The following SMYD4 variants were observed in gnomAD, a reference collection of about 807,000 sequenced individuals.
SMYD4 encodes protein-lysine N-methyltransferase SMYD4.
SMYD4 carries 68 observed loss-of-function variants against 72.8 expected under a neutral mutation model. That is an observed-to-expected ratio of 0.93 (90% confidence interval 0.77 to 1.14). The LOEUF (loss-of-function observed/expected upper bound fraction) is 1.14, where lower values mean the gene tolerates loss of function less well. Ranked by LOEUF, SMYD4 falls within the 50% of genes most tolerant of loss-of-function variation. SMYD4 has a pLI of 0.00. For missense variants in SMYD4, 984 were observed against 1,003.7 expected (o/e 0.98, Z 0.27); for synonymous variants, 407 against 388.6 (o/e 1.05, Z -0.56).
intron 5 of SMYD4, among the ~76,000 whole-genome samples, chr17:1,794,087 ATATATATATATATATATATTTTTT>A (rs1909243643): frequency 2.8e-4 from 6 of 21,106 alleles, no homozygotes; most frequent in African/African-American, 1.1e-3. Context: ...ATGTGTATAT[ATATATATATATATATATATTTTTT>A]TTTTTTTTTT....
chr17:1,800,125 A>G lies in SMYD4; in HGVS notation c.1269T>C (p.Asn423=), dbSNP rs761440622. The change falls in exon 5 of 11, where the codon AAT becomes AAC. Residue 423 remains asparagine, a synonymous_variant. Coordinates refer to ENST00000305513, the MANE Select transcript of SMYD4 (RefSeq NM_052928.3). ...TGTGGGGCAAAAGGTTGAAGACAGC[A>G]TTATAATTATTTTCATACTTCCCAT... ...DINGKYENNY[N]AVFNLLPHTE... 6.2e-7 allele frequency: 1 copy of G among 1,611,010 alleles called. No homozygotes were observed. Among genetic ancestry groups the G allele is most frequent in the Admixed American group, 1.7e-5 (1 of 59,558 alleles).
chr17:1,801,201 T>C (rs574802041), intron 4 of SMYD4, among the ~76,000 whole-genome samples, 177 bp from the exon 5 acceptor site: 15 of 152,250 alleles, frequency 9.9e-5, no homozygotes, highest in Admixed American at 7.2e-4. Context: ...TTAGCAATAC[T>C]TGTTGAGGAT....
intron 7 of SMYD4, among the ~76,000 whole-genome samples, chr17:1,784,739 T>C (rs1266175876): frequency 5.3e-5 from 8 of 152,182 alleles, no homozygotes; most frequent in Non-Finnish European, 1.5e-5. Context: ...ATAGCCCCTC[T>C]TGTCGCTTTT....
rs570883724 is a variant in SMYD4 at position 1,797,759 on chromosome 17, T to C, written c.1537+2098A>G. On this transcript the variant is annotated intron_variant, in intron 5 of 10. Transcript: ENST00000305513. Reference sequence around the variant, plus strand: ...GCTCACGCCTGTAATCCCAGCACTTTGGGAGGCCAAGGTGGGTGGCTCACC... The same window carrying C: ...GCTCACGCCTGTAATCCCAGCACTTCGGGAGGCCAAGGTGGGTGGCTCACC... Among the ~76,000 whole-genome samples, 6 of 152,108 alleles carry C rather than the reference T, an allele frequency of 3.9e-5. No homozygotes were observed. The East Asian group carries it at 1.2e-3, about 29-fold the overall frequency.
In SMYD4 at chr17:1,780,924, T is replaced by G; in HGVS notation, c.*362A>C. The G allele has an allele frequency of 6.6e-6, 1 of 151,350 alleles. No individual in the cohort carries two copies. The highest frequency in any genetic ancestry group is 1.4e-5 in the Non-Finnish European group (1 of 71,572). The allele number at this position is 151,350 out of a possible 1,614,324, so 9.4% of individuals were successfully genotyped here. On this transcript the variant is annotated 3_prime_UTR_variant, in exon 11 of 11. Transcript: ENST00000305513. ...GGCTTGAGCCACCGCACCCGGCCTCTTATTTTTTTTTTTGAGATGGAGTCT... is the reference window on the plus strand; with the variant it reads ...GGCTTGAGCCACCGCACCCGGCCTCGTATTTTTTTTTTTGAGATGGAGTCT...
chr17:1,813,568 C>T (rs1434944255), intron 2 of SMYD4, among the ~76,000 whole-genome samples: 1 of 151,972 alleles, frequency 6.6e-6, no homozygotes, highest in Non-Finnish European at 1.5e-5. Context: ...GTGTGAGCCA[C>T]CACGCCCAGC....
At chr17:1,798,338 A>G (rs1447728102) in intron 5 of SMYD4, among the ~76,000 whole-genome samples, 1 of 152,004 alleles carries the variant, frequency 6.6e-6, no homozygotes, top group East Asian at 1.9e-4. Flanking sequence ...CTTGAGCTCA[A>G]GTAAGTGATT....
intron 2 of SMYD4, among the ~76,000 whole-genome samples, chr17:1,824,504 A>G (rs889946182): frequency 6.6e-6 from 1 of 152,108 alleles, no homozygotes; most frequent in South Asian, 2.1e-4. Flanking sequence ...TATTTCCCAG[A>G]AGCCTGTGTT....
At chr17:1,792,239 T>G (rs907373485) in intron 5 of SMYD4, among the ~76,000 whole-genome samples, 1 of 151,884 alleles carries the variant, frequency 6.6e-6, no homozygotes, top group Non-Finnish European at 1.5e-5. Flanking sequence ...AGACGGGGTT[T>G]CACGTTAGCC....
In SMYD4 at chr17:1,829,851, GC is replaced by G; in HGVS notation, c.-139del. The G allele has an allele frequency of 3.1e-6, 1 of 322,078 alleles. No individual in the cohort carries two copies. The highest frequency in any genetic ancestry group is 5.5e-6 in the Non-Finnish European group (1 of 182,268). The allele number at this position is 322,078 out of a possible 1,614,324, so 20.0% of individuals were successfully genotyped here. ...GGCGCGCCCCTTGGCGCCCCGCTCC[GC>G]CCCGCACCGCGTCCGGCGTCCCGCG... On this transcript the variant is annotated 5_prime_UTR_variant, in exon 1 of 11. Coordinates refer to ENST00000305513, the MANE Select transcript of SMYD4 (RefSeq NM_052928.3).
chr17:1,782,972 T>G lies in SMYD4; in HGVS notation c.2261+63A>C, dbSNP rs1200320852. On this transcript the variant is annotated intron_variant, in intron 10 of 10. Coordinates refer to ENST00000305513, the MANE Select transcript of SMYD4 (RefSeq NM_052928.3). Reference sequence around the variant, plus strand: ...TTTTAAAAACACCATAGAAAAAAAGTAATACCCAGAAGAGCCTAGGAAAGG... The same window carrying G: ...TTTTAAAAACACCATAGAAAAAAAGGAATACCCAGAAGAGCCTAGGAAAGG... 4 of 1,554,578 alleles carry G rather than the reference T, an allele frequency of 2.6e-6. No individual in the cohort carries two copies. The African/African-American group carries it at 5.6e-5, about 22-fold the overall frequency.
chr17:1,791,196 G>A (rs1306475004), intron 5 of SMYD4, among the ~76,000 whole-genome samples: 1 of 150,208 alleles, frequency 6.7e-6, no homozygotes, highest in Non-Finnish European at 1.5e-5. Context: ...GATGGGAAGT[G>A]ACAGGACACA....
intron 2 of SMYD4, among the ~76,000 whole-genome samples, chr17:1,822,236 C>G (rs1910930951): frequency 1.3e-5 from 2 of 151,446 alleles, no homozygotes; most frequent in South Asian, 4.2e-4. Context: ...TCTGACTCAA[C>G]CTGTTAAAAA....
intron 3 of SMYD4, among the ~76,000 whole-genome samples, chr17:1,807,103 T>G (rs1910075332): frequency 6.6e-6 from 1 of 152,096 alleles, no homozygotes; most frequent in South Asian, 2.1e-4. Flanking sequence ...TTGGCAAGGC[T>G]GGTCTTGAAC....
intron 2 of SMYD4, among the ~76,000 whole-genome samples, chr17:1,819,476 A>C (rs915514310): frequency 3.9e-5 from 6 of 152,148 alleles, no homozygotes; most frequent in Non-Finnish European, 7.4e-5. Flanking sequence ...TCACTTACTT[A>C]ATGTGGCAAT....
At position 1,783,454 on chromosome 17, in the gene SMYD4, C is replaced by G. The variant is rs138315300; in HGVS notation, c.2043G>C (p.Ser681=). 1 of 1,610,722 alleles carries G rather than the reference C, an allele frequency of 6.2e-7. No homozygotes were observed. The highest frequency in any genetic ancestry group is 1.3e-5 in the African/African-American group (1 of 74,890). Residue 681 remains serine (S), a synonymous_variant, in exon 9 of 11, where the codon TCG becomes TCC. Coordinates refer to ENST00000305513, the MANE Select transcript of SMYD4 (RefSeq NM_052928.3). ...GELERAVQRL[S]GCQRDAESFL... The stretch of plus-strand genomic sequence containing the variant: ...AGCTCTCGGCGTCACGCTGGCACCC[C>G]GACAGCCGCTGAACAGCTCGCTCTG...
At chr17:1,805,685 G>A (rs1235903987) in intron 3 of SMYD4, among the ~76,000 whole-genome samples, 4 of 151,834 alleles carry the variant, frequency 2.6e-5, no homozygotes, top group South Asian at 2.1e-4. Context: ...GGTGGCGCAC[G>A]CCTGTAATCC....
intron 3 of SMYD4, among the ~76,000 whole-genome samples, chr17:1,807,012 T>G (rs978518188): frequency 1.1e-4 from 17 of 151,814 alleles, no homozygotes; most frequent in Admixed American, 2.0e-4. Flanking sequence ...AGCCTCAGCC[T>G]CCCAAGTAGC....
chr17:1,785,312 C>G (rs1447936092), intron 7 of SMYD4, among the ~76,000 whole-genome samples: 7 of 149,940 alleles, frequency 4.7e-5, no homozygotes, highest in East Asian at 2.0e-4. Flanking sequence ...TGTAGTCTCA[C>G]CTACTCGGGA....
Sources: gnomAD v4.1 joint callset for allele counts (sites outside exome capture counted in the v4.1 genomes callset) on GRCh38, gnomAD v4.1.1 for gene constraint, MANE v1.5 for transcripts, NCBI Gene and HGNC (gene_info 2026-07-23, HGNC 2026-07-21) for gene names.